The following ADGRB2 variants were observed in gnomAD, a reference collection of about 807,000 sequenced individuals.
ADGRB2 encodes adhesion G protein-coupled receptor B2.
A neutral mutation model predicts 178.7 loss-of-function variants in ADGRB2; 47 were observed. The ratio of observed to expected loss-of-function variants is 0.26; its 90% CI spans 0.21 to 0.34. The LOEUF (loss-of-function observed/expected upper bound fraction) is 0.34. ADGRB2 is among the 10% of genes least tolerant of loss of function. The pLI is 1.00. For missense variants in ADGRB2, 1,584 were observed against 2,180.8 expected (o/e 0.73, Z 5.45); for synonymous variants, 870 against 912.4 (o/e 0.95, Z 0.84).
chr1:31,743,561 C>T (rs1646106813), intron 6 of ADGRB2: 1 of 152,938 alleles, frequency 6.5e-6, no homozygotes, highest in African/African-American at 2.4e-5. Flanking sequence ...GAGCCCTTCC[C>T]AGGTAGGCCC....
Position 31,730,905 on chromosome 1 carries a change from C to A in ADGRB2, c.4275G>T (p.Pro1425=). 1 of 1,579,726 alleles carries A rather than the reference C, an allele frequency of 6.3e-7. No homozygotes were observed. The highest frequency in any genetic ancestry group is 8.6e-7 in the Non-Finnish European group (1 of 1,162,160). Residue 1425 remains proline, a synonymous_variant, in exon 29 of 33, where the codon CCG becomes CCT. Transcript: ENST00000373658. The part of the protein sequence containing the change: ...LQNPYGMTFQ[P]PPPTPSARQV... ...GGCGGGCGCTGGGTGTCGGCGGTGG[C>A]GGTTGGAAGGTCATTCCATAGGGAT...
In ADGRB2 at chr1:31,741,874, G is replaced by A. The variant is rs1297479977; in HGVS notation, c.1511C>T (p.Ala504Val). 1.2e-6 allele frequency: 2 copies of A among 1,611,500 alleles called. No individual in the cohort carries two copies. The highest frequency in any genetic ancestry group is 1.7e-6 in the Non-Finnish European group (2 of 1,178,160). Residue 504 changes from alanine (A) to valine (V), a missense_variant, in exon 9 of 33, where the codon GCC becomes GTC. Ala to Val is a moderately conservative substitution (Grantham distance 64). Coordinates refer to ENST00000373658, the MANE Select transcript of ADGRB2 (RefSeq NM_001364857.2). This position sits in a 1 kb window ranked among gnomAD's most constrained non-coding sequence, Gnocchi z 6.5. ...GWQRRFRMCQATGTQGYPCEG... is the reference protein window; with the variant it reads ...GWQRRFRMCQVTGTQGYPCEG... ...GCAGGGGTAGCCCTGCGTGCCCGTG[G>A]CCTGGCACATGCGGAAGCGGCGCTG...
Position 31,740,895 on chromosome 1 carries a change from GCACACA to G in ADGRB2, c.1795-360_1795-355del, listed in dbSNP as rs145689822. Reference sequence around the variant, plus strand: ...AATGAGCATGTGTGTGGGCGCGCGCGCACACACACACACACACACACACACACACAC... The same window carrying G: ...AATGAGCATGTGTGTGGGCGCGCGCGCACACACACACACACACACACACAC... On this transcript the variant is annotated intron_variant, in intron 11 of 32. Transcript: ENST00000373658. This position sits in a 1 kb window ranked among gnomAD's most constrained non-coding sequence, Gnocchi z 5.9. Among the ~76,000 whole-genome samples the G allele has an allele frequency of 1.7e-4, 24 of 140,482 alleles. No homozygotes were observed. The highest frequency in any genetic ancestry group is 5.1e-4 in the African/African-American group (19 of 37,556). The allele number at this position is 140,482 out of a possible 152,430, so 92.2% of individuals were successfully genotyped here.
intron 21 of ADGRB2, 75 bp from the exon 22 acceptor site, chr1:31,736,465 C>A: frequency 6.2e-7 from 1 of 1,604,306 alleles, no homozygotes; most frequent in Admixed American, 1.7e-5. Context: ...ACTCCCATCC[C>A]AGCTGACCCC....
Position 31,759,245 on chromosome 1 carries a change from G to C in ADGRB2, c.-190-1734C>G. 1 of 771,700 alleles carries C rather than the reference G, an allele frequency of 1.3e-6. No individual in the cohort carries two copies. The highest frequency in any genetic ancestry group is 2.4e-6 in the Non-Finnish European group (1 of 411,948). 47.8% of individuals were successfully genotyped at this position (771,700 alleles called of 1,614,324 possible). On this transcript the variant is annotated intron_variant, in intron 1 of 32. Transcript: ENST00000373658. This position sits in a 1 kb window ranked among gnomAD's most constrained non-coding sequence, Gnocchi z 4.3. ...GTCACACACACTCAGGAGTTAACAC[G>C]CACACACAGGGGTGTAGAGGCTTAC...
At chr1:31,757,126 C>T (rs1364963839) in intron 3 of ADGRB2, 75 bp downstream of exon 3, 5 of 1,608,264 alleles carry the variant, frequency 3.1e-6, no homozygotes, top group East Asian at 2.2e-5. Context: ...TTGTTGCCAT[C>T]GTTCTGTTTC....
chr1:31,736,305 C>A lies in ADGRB2; in HGVS notation c.3200+16G>T. ...ATCCACTACCCGCTACCACCCACCA[C>A]GGGAGGCCCACGTACTAGCTGGATG... On this transcript the variant is annotated intron_variant, in intron 22 of 32. Transcript: ENST00000373658. The A allele has an allele frequency of 1.9e-6, 3 of 1,613,464 alleles. No homozygotes were observed. The highest frequency in any genetic ancestry group is 2.5e-6 in the Non-Finnish European group (3 of 1,179,554).
Position 31,741,987 on chromosome 1 carries a change from T to A in ADGRB2, c.1418-20A>T, listed in dbSNP as rs760742578. The A allele has an allele frequency of 1.3e-6, 2 of 1,584,870 alleles. No homozygotes were observed. The highest frequency in any genetic ancestry group is 2.3e-5 in the South Asian group (2 of 87,098). ...CAGTGGCTGTGGGAGAGGTGAGGCA[T>A]ATGAGTGGGCCCAGGTACCCCCATG... On this transcript the variant is annotated intron_variant, in intron 8 of 32. Transcript: ENST00000373658. The surrounding 1 kb of genome is among the most constrained non-coding windows in gnomAD (Gnocchi z 6.5).
At position 31,739,070 on chromosome 1, in the gene ADGRB2, G is replaced by A. The variant is rs1344543581; in HGVS notation, c.2496-133C>T. 24 of 887,668 alleles carry A rather than the reference G, an allele frequency of 2.7e-5. No homozygotes were observed. In the South Asian group the frequency reaches 3.7e-4, roughly 14 times the overall value. The allele number at this position is 887,668 out of a possible 1,614,324, so 55.0% of individuals were successfully genotyped here. A position where few individuals can be genotyped will look rare whatever the true frequency, so the allele number is the denominator to read the frequency against. On this transcript the variant is annotated intron_variant, in intron 15 of 32. Coordinates refer to ENST00000373658, the MANE Select transcript of ADGRB2 (RefSeq NM_001364857.2). ...CCAGGGGAAGGCCTAACTCAGTGGG[G>A]TCCAGGACTTCAGGTGAGGTCTAGA...
rs1645262916 is a variant in ADGRB2, at chr1:31,731,168, T to C, written c.4012A>G (p.Thr1338Ala). Reference protein sequence around the residue: ...GEGGLRQLDLTWLRPTEPGSE... With the variant: ...GEGGLRQLDLAWLRPTEPGSE... ...CCTGGCTCAGTGGGCCGCAGCCATG[T>C]GAGGTCCAGCTGCCGCAGGCCACCC... Residue 1338 changes from threonine (T) to alanine (A), a missense_variant, in exon 29 of 33, where the codon ACA becomes GCA. Thr to Ala is a moderately conservative substitution (Grantham distance 58). This residue lies in a region of ADGRB2 where 865 missense variants were observed against 1,192.8 expected (regional missense o/e 0.73). Transcript: ENST00000373658. 3.8e-6 allele frequency: 6 copies of C among 1,598,858 alleles called. No individual in the cohort carries two copies. Among genetic ancestry groups the C allele is most frequent in the Non-Finnish European group, 5.1e-6 (6 of 1,173,402 alleles).
intron 4 of ADGRB2, among the ~76,000 whole-genome samples, chr1:31,752,257 G>A (rs1280473780): frequency 1.3e-5 from 2 of 152,208 alleles, no homozygotes; most frequent in African/African-American, 2.4e-5. Context: ...GGGATTGGCT[G>A]GAACTCAGTC....
rs71006321 is a variant in ADGRB2, at chr1:31,728,803, AACAC to A, written c.4381-174_4381-171del. On this transcript the variant is annotated intron_variant, in intron 29 of 32. Transcript: ENST00000373658. The surrounding 1 kb of genome is among the most constrained non-coding windows in gnomAD (Gnocchi z 6.7). ...TGGGGCAGCTTTTCAGGCCTCACTG[AACAC>A]ACACACACACACACACACACACACA... Among the ~76,000 whole-genome samples, 1,377 of 115,492 alleles carry A rather than the reference AACAC, an allele frequency of 0.012. 21 individuals are homozygous for A. The highest frequency in any genetic ancestry group is 0.037 in the African/African-American group (1,201 of 32,178). The allele number at this position is 115,492 out of a possible 152,430, so 75.8% of individuals were successfully genotyped here.
intron 7 of ADGRB2, 88 bp downstream of exon 7, chr1:31,742,750 G>C: frequency 7.4e-7 from 1 of 1,353,158 alleles, no homozygotes; most frequent in Non-Finnish European, 9.6e-7. Flanking sequence ...CCCAGGGGCA[G>C]GTCACTGGAC....
chr1:31,731,615 A>G (rs1645288859), intron 28 of ADGRB2, among the ~76,000 whole-genome samples, 196 bp from the exon 29 acceptor site: 1 of 152,104 alleles, frequency 6.6e-6, no homozygotes, highest in Non-Finnish European at 1.5e-5. Flanking sequence ...AAGTCCCCAC[A>G]TTGAGACAGG....
intron 4 of ADGRB2, among the ~76,000 whole-genome samples, chr1:31,749,692 G>A (rs1343022742): frequency 6.6e-6 from 1 of 152,208 alleles, no homozygotes; most frequent in African/African-American, 2.4e-5. Flanking sequence ...AGGGCGGATC[G>A]TTTGAGCCCA....
At position 31,728,297 on chromosome 1, in the gene ADGRB2, A is replaced by G. The variant is rs369840651; in HGVS notation, c.4417-17T>C. 155 of 1,611,914 alleles carry G rather than the reference A, an allele frequency of 9.6e-5. No homozygotes were observed. Among genetic ancestry groups the G allele is most frequent in the Non-Finnish European group, 1.2e-4 (143 of 1,178,906 alleles). On this transcript the variant is annotated splice_polypyrimidine_tract_variant and intron_variant, in intron 30 of 32. Transcript: ENST00000373658. The surrounding 1 kb of genome is among the most constrained non-coding windows in gnomAD (Gnocchi z 6.7). ...CATCACCTTCTAGGGGCCACAGGGC[A>G]TCAGAGGGTCGCTCCCCGGGGCAGC... is the stretch of plus-strand genomic sequence containing the variant.
At chr1:31,737,791 G>A (rs1398843674) in intron 18 of ADGRB2, 36 bp from the exon 19 acceptor site, 2 of 1,586,610 alleles carry the variant, frequency 1.3e-6, no homozygotes, top group South Asian at 2.2e-5. Flanking sequence ...ATGGGTTCCT[G>A]GGAGGGGGGA....
intron 4 of ADGRB2, among the ~76,000 whole-genome samples, chr1:31,749,921 A>AAGAG (rs551272842): frequency 5.3e-5 from 8 of 151,374 alleles, no homozygotes; most frequent in Non-Finnish European, 1.0e-4. Context: ...GTTTCAGAAA[A>AAGAG]AGAGAGAGAG....
At position 31,740,205 on chromosome 1, in the gene ADGRB2, G is replaced by A. The variant is rs778328007; in HGVS notation, c.1990-27C>T. 15 of 1,613,692 alleles carry A rather than the reference G, an allele frequency of 9.3e-6. No individual in the cohort carries two copies. The highest frequency in any genetic ancestry group is 1.7e-5 in the Admixed American group (1 of 59,986). On this transcript the variant is annotated intron_variant, in intron 12 of 32. Transcript: ENST00000373658. The surrounding 1 kb of genome is among the most constrained non-coding windows in gnomAD (Gnocchi z 5.9). ...TGAGGAGAGAGCAATGAGTGGCAGGGGGTCCTAGCCCCAGGGAACAGGGGG... is the reference window on the plus strand; with the variant it reads ...TGAGGAGAGAGCAATGAGTGGCAGGAGGTCCTAGCCCCAGGGAACAGGGGG...
Sources: allele counts gnomAD v4.1 joint callset (sites outside exome capture counted in the v4.1 genomes callset), GRCh38; gene constraint gnomAD v4.1.1; regional missense constraint gnomAD v4.1.1; non-coding constraint Gnocchi (gnomAD v3.1); transcripts MANE v1.5; gene names NCBI Gene and HGNC (gene_info 2026-07-23, HGNC 2026-07-21).